Variants in TMEM201 observed in about 807,000 individuals in gnomAD.
The protein encoded by TMEM201 is RP13-15M17.2.
TMEM201 carries 26 observed loss-of-function variants against 63.4 expected under a neutral mutation model. The observed-to-expected ratio is 0.41, with a 90% CI of 0.30 to 0.57. The LOEUF (loss-of-function observed/expected upper bound fraction) is 0.57, where lower values mean the gene tolerates loss of function less well. Among genes scored for constraint, TMEM201 ranks in the 20% least tolerant of loss-of-function variants. The pLI is 0.29. For synonymous variants in TMEM201, 417 were observed against 421.6 expected, an observed-to-expected ratio of 0.99 and a Z score of 0.14; for missense variants, 794 against 917.7, an observed-to-expected ratio of 0.87 and a Z score of 1.74.
rs568961753 is a variant in TMEM201, at chr1:9,589,206, C to T, written c.113+163C>T. 1.2e-4 allele frequency among the ~76,000 whole-genome samples: 18 copies of T among 150,932 alleles called. No homozygotes were observed. The South Asian group carries it at 3.5e-3, about 30-fold the overall frequency. ...GCCCCCCGAGACCGGGTTGAGACTG[C>T]AGTCGGGAAGCGGCTGCGGAGTCGA... On this transcript the variant is annotated intron_variant, in intron 1 of 10. Transcript: ENST00000340381.
chr1:9,594,036 G>C (rs1402198578), intron 1 of TMEM201, among the ~76,000 whole-genome samples: 1 of 152,236 alleles, frequency 6.6e-6, no homozygotes, highest in Non-Finnish European at 1.5e-5. Flanking sequence ...TGTAGTCGGC[G>C]CCCGGTGGCG....
In TMEM201 at chr1:9,601,320, G is replaced by A; in HGVS notation, c.822G>A (p.Leu274=). ...CTGGGGCCGAGGGCTGGCGGCAGTT[G>A]CTGGGCCTACTCCCCGAGCACATGG... The part of the protein sequence containing the change: ...TTPGAEGWRQ[L]LGLLPEHMAE... Residue 274 remains leucine, a synonymous_variant, in exon 5 of 11, where the codon TTG becomes TTA. Transcript: ENST00000340381. The A allele has an allele frequency of 6.2e-7, 1 of 1,609,364 alleles. No homozygotes were observed. Among genetic ancestry groups the A allele is most frequent in the Non-Finnish European group, 8.5e-7 (1 of 1,179,874 alleles).
In TMEM201 at chr1:9,598,678, A is replaced by G. The variant is rs1644073662; in HGVS notation, c.606+53A>G. On this transcript the variant is annotated intron_variant, in intron 4 of 10. Transcript: ENST00000340381. ...GTGGGGGTGTTGAGTTTGTTCAGGA[A>G]ACCCTCCCAGGAGGCTGGGCACTAG... 5 of 1,570,900 alleles carry G rather than the reference A, an allele frequency of 3.2e-6. 1 individual carries two copies. The highest frequency in any genetic ancestry group is 1.3e-5 in the African/African-American group (1 of 74,332).
chr1:9,613,113 A>G lies in TMEM201; in HGVS notation c.*30A>G. The G allele has an allele frequency of 6.5e-7, 1 of 1,545,270 alleles. No homozygotes were observed. The highest frequency in any genetic ancestry group is 2.4e-5 in the East Asian group (1 of 40,896). On this transcript the variant is annotated 3_prime_UTR_variant, in exon 11 of 11. Transcript: ENST00000340381. ...CCGTTGGAGCCCCTCGGAGGGGAGC[A>G]ACCCGGTGCCTGCTGCTTCACCACT... is the stretch of plus-strand genomic sequence containing the variant.
intron 9 of TMEM201, chr1:9,611,063 C>T (rs956960507): frequency 5.9e-6 from 9 of 1,515,876 alleles, no homozygotes; most frequent in Middle Eastern, 1.7e-4. Context: ...AAACACATCA[C>T]GCATTGCCAG....
intron 1 of TMEM201, among the ~76,000 whole-genome samples, chr1:9,592,739 A>G (rs1438755083): frequency 8.2e-6 from 1 of 121,336 alleles, no homozygotes; most frequent in East Asian, 2.0e-4. Flanking sequence ...GGGCAGGTAC[A>G]GAGCATGCAG....
chr1:9,610,720 C>G lies in TMEM201; in HGVS notation c.1680C>G (p.His560Gln). The part of the protein sequence containing the change: ...APTTPSSSDE[H>Q]SPHNGSLFTM... The stretch of plus-strand genomic sequence containing the variant: ...CCACGCCCAGCAGCTCCGATGAGCA[C>G]TCGCCTCACAACGGCAGCCTCTTCA... The change falls in exon 9 of 11, where the codon CAC becomes CAG. Residue 560 changes from histidine (H) to glutamine (Q), a missense_variant. By Grantham distance (24) the His-to-Gln change is conservative (BLOSUM62 0). Transcript: ENST00000340381. This position sits in a 1 kb window ranked among gnomAD's most constrained non-coding sequence, Gnocchi z 4.9. 6.4e-7 allele frequency: 1 copy of G among 1,550,538 alleles called. No individual in the cohort carries two copies. Among genetic ancestry groups the G allele is most frequent in the Non-Finnish European group, 8.7e-7 (1 of 1,146,892 alleles).
intron 1 of TMEM201, among the ~76,000 whole-genome samples, chr1:9,589,636 C>A (rs1303418796): frequency 6.6e-6 from 1 of 152,244 alleles, no homozygotes; most frequent in Non-Finnish European, 1.5e-5. Context: ...CAGTTCAAGA[C>A]GGGCCGGGGC....
chr1:9,597,055 T>G lies in TMEM201; in HGVS notation c.429+2T>G. 6.3e-7 allele frequency: 1 copy of G among 1,596,114 alleles called. No individual in the cohort carries two copies. Among genetic ancestry groups the G allele is most frequent in the Non-Finnish European group, 8.6e-7 (1 of 1,169,056 alleles). On this transcript the variant is annotated splice_donor_variant, in intron 3 of 10. Transcript: ENST00000340381. LOFTEE classifies it high-confidence loss of function. ...GCCGCCTTCGCTCCCCGCGAGGAGGTGAGGCCGGGTTGGGAGGGCAGGGGT... is the reference window on the plus strand; with the variant it reads ...GCCGCCTTCGCTCCCCGCGAGGAGGGGAGGCCGGGTTGGGAGGGCAGGGGT...
rs2100504766 is a variant in TMEM201, at chr1:9,604,571, T to A, written c.1160+2299T>A. 1 of 985,470 alleles carries A rather than the reference T, an allele frequency of 1.0e-6. No individual in the cohort carries two copies. The highest frequency in any genetic ancestry group is 6.1e-5 in the Admixed American group (1 of 16,284). The allele number at this position is 985,470 out of a possible 1,614,324, so 61.0% of individuals were successfully genotyped here. ...TCTTCTCCTCGCGGGGGACTTGGGA[T>A]GGCCATCAGACCTTCTAGGGTCTGG... On this transcript the variant is annotated intron_variant, in intron 6 of 10. Coordinates refer to ENST00000340381, the MANE Select transcript of TMEM201 (RefSeq NM_001130924.3). This position sits in a 1 kb window ranked among gnomAD's most constrained non-coding sequence, Gnocchi z 4.1.
chr1:9,602,990 T>C (rs1420438663), intron 6 of TMEM201: 1 of 985,436 alleles, frequency 1.0e-6, no homozygotes, highest in East Asian at 1.1e-4. Flanking sequence ...CGCCATGAGT[T>C]TGGGGAGCGA....
At chr1:9,597,081 C>T (rs1332341994) in intron 3 of TMEM201, 28 bp downstream of exon 3, 3 of 1,583,420 alleles carry the variant, frequency 1.9e-6, no homozygotes, top group Non-Finnish European at 2.6e-6. Context: ...GGGCAGGGGT[C>T]CTGGCTGGGG....
intron 6 of TMEM201, chr1:9,606,318 G>A (rs547578189): frequency 6.6e-6 from 1 of 152,384 alleles, no homozygotes; most frequent in Admixed American, 6.5e-5. Context: ...CTCAGCTCCT[G>A]CCTTGATGCC....
chr1:9,605,815 C>A lies in TMEM201; in HGVS notation c.1161-1742C>A, dbSNP rs1161067439. ...GATGCACTGGCAAGACCCAGCCACT[C>A]CTGCTAGAGCCCACCCTTTGGGGCC... On this transcript the variant is annotated intron_variant, in intron 6 of 10. Coordinates refer to ENST00000340381, the MANE Select transcript of TMEM201 (RefSeq NM_001130924.3). This position sits in a 1 kb window ranked among gnomAD's most constrained non-coding sequence, Gnocchi z 5.7. Among the ~76,000 whole-genome samples the A allele has an allele frequency of 6.6e-6, 1 of 152,222 alleles. No individual in the cohort carries two copies. Among genetic ancestry groups the A allele is most frequent in the Non-Finnish European group, 1.5e-5 (1 of 68,040 alleles).
chr1:9,607,825 C>G lies in TMEM201; in HGVS notation c.1393+36C>G, dbSNP rs1271432801. ...CCCAGGCATTGGCAGACAGTCAGGG[C>G]TAGGGGCAGCTGGGACAGAACTGTG... On this transcript the variant is annotated intron_variant, in intron 7 of 10. Coordinates refer to ENST00000340381, the MANE Select transcript of TMEM201 (RefSeq NM_001130924.3). The surrounding 1 kb of genome is among the most constrained non-coding windows in gnomAD (Gnocchi z 5.4). 6.5e-7 allele frequency: 1 copy of G among 1,536,776 alleles called. No homozygotes were observed. The highest frequency in any genetic ancestry group is 1.7e-4 in the Middle Eastern group (1 of 5,962).
At chr1:9,598,892 G>T (rs568553530) in intron 4 of TMEM201, among the ~76,000 whole-genome samples, 2 of 151,264 alleles carry the variant, frequency 1.3e-5, no homozygotes, top group Admixed American at 1.3e-4. Flanking sequence ...CTGGTGATCC[G>T]CCTGCCTTGG....
chr1:9,599,662 G>A (rs966980615), intron 4 of TMEM201, among the ~76,000 whole-genome samples: 4 of 151,596 alleles, frequency 2.6e-5, no homozygotes, highest in Admixed American at 1.3e-4. Flanking sequence ...TCGCTCTGTC[G>A]CCCAGACTGG....
Position 9,611,901 on chromosome 1 carries a change from T to C in TMEM201, c.1903+11T>C, listed in dbSNP as rs1453492657. The C allele has an allele frequency of 6.5e-7, 1 of 1,529,536 alleles. No individual in the cohort carries two copies. Among genetic ancestry groups the C allele is most frequent in the East Asian group, 2.5e-5 (1 of 40,482 alleles). 94.7% of individuals were successfully genotyped at this position (1,529,536 alleles called of 1,614,324 possible). A position where few individuals can be genotyped will look rare whatever the true frequency, so the allele number is the denominator to read the frequency against. Reference sequence around the variant, plus strand: ...CCGCCACCTGGAGAGGTCTGTACCCTGAGGTGCGGGAGGGGAGGGGGTGGG... The same window carrying C: ...CCGCCACCTGGAGAGGTCTGTACCCCGAGGTGCGGGAGGGGAGGGGGTGGG... On this transcript the variant is annotated intron_variant, in intron 10 of 10. Transcript: ENST00000340381.
rs59461866 is a variant in TMEM201 at position 9,610,385 on chromosome 1, G to A, written c.1466-121G>A. On this transcript the variant is annotated intron_variant, in intron 8 of 10. Transcript: ENST00000340381. The surrounding 1 kb of genome is among the most constrained non-coding windows in gnomAD (Gnocchi z 4.9). ...GCAGCAGGACTTCCCCCTGTCCCCA[G>A]TCTCTGCACCTTTCCTGTCTTCCCG... 2.3e-3 allele frequency: 2,378 copies of A among 1,054,052 alleles called. 35 individuals are homozygous for A. The African/African-American group carries it at 0.034, about 15-fold the overall frequency. The allele number at this position is 1,054,052 out of a possible 1,614,324, so 65.3% of individuals were successfully genotyped here.
Sources: allele counts gnomAD v4.1 joint callset (sites outside exome capture counted in the v4.1 genomes callset), GRCh38; gene constraint gnomAD v4.1.1; non-coding constraint Gnocchi (gnomAD v3.1); transcripts MANE v1.5; gene names NCBI Gene and HGNC (gene_info 2026-07-23, HGNC 2026-07-21).